STARD13: variants seen among roughly 807,000 people sequenced by gnomAD.
The protein encoded by STARD13 is StAR related lipid transfer domain containing 13, also known as stAR-related lipid transfer protein 13.
A neutral mutation model predicts 106.4 loss-of-function variants in STARD13; 62 were observed. That is an observed-to-expected ratio of 0.58 (90% CI 0.48 to 0.72). STARD13 has a LOEUF of 0.72. STARD13 is among the 30% of genes least tolerant of loss of function. The probability of loss-of-function intolerance (pLI) is 0.00; values close to 1 mark genes in which losing one functional copy is unlikely to be tolerated. For missense variants in STARD13, 1,387 were observed against 1,424.0 expected, an observed-to-expected ratio of 0.97 and a Z score of 0.42; for synonymous variants, 565 against 553.0, an observed-to-expected ratio of 1.02 and a Z score of -0.31.
chr13:33,163,991 G>GAAA (rs1477895613), intron 3 of STARD13, among the ~76,000 whole-genome samples: 1 of 151,874 alleles, frequency 6.6e-6, no homozygotes, highest in African/African-American at 2.4e-5. Flanking sequence ...TGCAGAAGAG[G>GAAA]AAACACTGTC....
intron 1 of STARD13, among the ~76,000 whole-genome samples, chr13:33,201,485 T>G (rs1343087243): frequency 6.6e-6 from 1 of 152,228 alleles, no homozygotes; most frequent in East Asian, 1.9e-4. Context: ...AATGAGAGAT[T>G]GCCAAAAAAC....
chr13:33,644,437 C>T, the STARD13 span, among the ~76,000 whole-genome samples: 3 of 151,464 alleles, frequency 2.0e-5, no homozygotes, highest in Admixed American at 1.3e-4. Flanking sequence ...TCCCGAATGC[C>T]GGGAAAATGA....
At chr13:33,489,754 C>T in the STARD13 span, among the ~76,000 whole-genome samples, 108 of 152,306 alleles carry the variant, frequency 7.1e-4, no homozygotes, top group African/African-American at 2.4e-3. Flanking sequence ...GAAACAGCGA[C>T]GCACCATGGG....
chr13:33,466,322 A>C, the STARD13 span, among the ~76,000 whole-genome samples: 1,897 of 152,346 alleles, frequency 0.012, 35 homozygotes, highest in African/African-American at 0.043. Context: ...TATTAGAGTA[A>C]AACTTGAAAC....
chr13:33,160,076 G>T (rs527738530), intron 3 of STARD13, among the ~76,000 whole-genome samples: 30 of 152,082 alleles, frequency 2.0e-4, no homozygotes, highest in Non-Finnish European at 4.3e-4. Context: ...TGCATTCCAG[G>T]ACTTACCTAA....
the STARD13 span, among the ~76,000 whole-genome samples, chr13:33,636,821 C>T: frequency 6.6e-6 from 1 of 152,208 alleles, no homozygotes; most frequent in Admixed American, 6.5e-5. Flanking sequence ...TGGATTATCA[C>T]AATCCTCGTC....
chr13:33,519,746 C>G, the STARD13 span, among the ~76,000 whole-genome samples: 33 of 152,168 alleles, frequency 2.2e-4, no homozygotes, highest in South Asian at 2.5e-3. Context: ...CACAGAAAAT[C>G]AACAGTGGAG....
chr13:33,125,753 A>C (rs887072664), intron 7 of STARD13, among the ~76,000 whole-genome samples: 1 of 152,216 alleles, frequency 6.6e-6, no homozygotes, highest in African/African-American at 2.4e-5. Flanking sequence ...GTGGCACTGA[A>C]ATAATAGTTA....
chr13:33,668,911 G>A, the STARD13 span, among the ~76,000 whole-genome samples: 1 of 152,236 alleles, frequency 6.6e-6, no homozygotes, highest in Non-Finnish European at 1.5e-5. Context: ...TGGTCCAGCT[G>A]TGCTAAGTAG....
At chr13:33,243,497 T>A (rs974773324) in intron 1 of STARD13, among the ~76,000 whole-genome samples, 1 of 152,152 alleles carries the variant, frequency 6.6e-6, no homozygotes, top group South Asian at 2.1e-4. Context: ...CTTAAGGAGT[T>A]CAGATTTTAA....
At chr13:33,621,399 C>T in the STARD13 span, among the ~76,000 whole-genome samples, 20 of 151,898 alleles carry the variant, frequency 1.3e-4, no homozygotes, top group African/African-American at 3.6e-4. Context: ...AAAAACTGGC[C>T]GGGCACAGTC....
At chr13:33,539,950 GTAAA>G in the STARD13 span, among the ~76,000 whole-genome samples, 1 of 152,202 alleles carries the variant, frequency 6.6e-6, no homozygotes, top group African/African-American at 2.4e-5. Context: ...CGCATAGTAT[GTAAA>G]TAACTCCTAC....
intron 7 of STARD13, among the ~76,000 whole-genome samples, chr13:33,118,959 T>A (rs1875827504): frequency 6.6e-6 from 1 of 152,222 alleles, no homozygotes; most frequent in South Asian, 2.1e-4. Context: ...GTGGCTTTTT[T>A]TTCAGACCTC....
rs897641408 is a variant in STARD13 at position 33,111,720 on chromosome 13, G to A, written c.2607+58C>T. 6.0e-6 allele frequency: 6 copies of A among 1,006,564 alleles called. No homozygotes were observed. In the South Asian group the frequency reaches 6.5e-5, roughly 11 times the overall value. 62.4% of individuals were successfully genotyped at this position (1,006,564 alleles called of 1,614,324 possible). ...ACCATAAATGTAGCAACAATCCCAA[G>A]CGTCTTATCTAGTTCCAAGAGCTAC... On this transcript the variant is annotated intron_variant, in intron 10 of 13. Transcript: ENST00000336934.
At chr13:33,464,947 A>G in the STARD13 span, among the ~76,000 whole-genome samples, 8 of 152,268 alleles carry the variant, frequency 5.3e-5, no homozygotes, top group African/African-American at 1.9e-4. Flanking sequence ...TACAAGTGCC[A>G]TTAAAACCTT....
At chr13:33,251,746 G>C (rs1206719713) in intron 1 of STARD13, among the ~76,000 whole-genome samples, 1 of 152,144 alleles carries the variant, frequency 6.6e-6, no homozygotes, top group Non-Finnish European at 1.5e-5. Flanking sequence ...CTCCCTTGAT[G>C]GTAAGCTATA....
the STARD13 span, among the ~76,000 whole-genome samples, chr13:33,464,024 C>CATATATATATATATATAT: frequency 0.023 from 2,514 of 108,636 alleles, 33 homozygotes; most frequent in Non-Finnish European, 0.034. Context: ...AAAAAAAATA[C>CATATATATATATATATAT]ATATATATAT....
At chr13:33,481,346 A>T in the STARD13 span, among the ~76,000 whole-genome samples, 1 of 152,222 alleles carries the variant, frequency 6.6e-6, no homozygotes, top group Non-Finnish European at 1.5e-5. Context: ...AGCTGCTAAC[A>T]TCACAAAAAA....
At chr13:33,431,945 G>A in the STARD13 span, among the ~76,000 whole-genome samples, 1 of 152,194 alleles carries the variant, frequency 6.6e-6, no homozygotes, top group Non-Finnish European at 1.5e-5. Flanking sequence ...CTCTGCTTAG[G>A]GATCAAGGGA....
Sources: gnomAD v4.1 joint callset for allele counts (sites outside exome capture counted in the v4.1 genomes callset) on GRCh38, gnomAD v4.1.1 for gene constraint, MANE v1.5 for transcripts, NCBI Gene and HGNC (gene_info 2026-07-23, HGNC 2026-07-21) for gene names.